Variants in CHCHD2 observed in about 807,000 individuals in gnomAD.
CHCHD2 encodes the protein coiled-coil-helix-coiled-coil-helix domain containing 2.
In CHCHD2, 17 loss-of-function variants were observed where a neutral mutation model predicts 17.5. The ratio of observed to expected loss-of-function variants is 0.97; its 90% CI spans 0.67 to 1.46. The LOEUF (loss-of-function observed/expected upper bound fraction) is 1.46, where lower values mean the gene tolerates loss of function less well. Among genes scored for constraint, CHCHD2 ranks in the 40% most tolerant of loss-of-function variants. The pLI, the probability that CHCHD2 is intolerant of heterozygous loss-of-function variation, is 0.00. For synonymous variants in CHCHD2, 63 were observed against 74.3 expected, an observed-to-expected ratio of 0.85 and a Z score of 0.78; for missense variants, 175 against 199.9, an observed-to-expected ratio of 0.88 and a Z score of 0.75.
chr7:56,101,877 A>AT lies in CHCHD2; in HGVS notation c.446-17dup, dbSNP rs1562887621. On this transcript the variant is annotated splice_polypyrimidine_tract_variant and intron_variant, in intron 3 of 3. Transcript: ENST00000395422. The stretch of plus-strand genomic sequence containing the variant: ...TAGGCCAATCCTGCAAACAGAAAAG[A>AT]TTAAGTTAGAAGAATGCTAGCTTCG... 1.2e-6 allele frequency: 2 copies of AT among 1,612,730 alleles called. No individual in the cohort carries two copies. Among genetic ancestry groups the AT allele is most frequent in the South Asian group, 2.2e-5 (2 of 90,884 alleles).
At chr7:56,102,778 A>T in intron 3 of CHCHD2, 89 bp downstream of exon 3, 4 of 1,391,986 alleles carry the variant, frequency 2.9e-6, no homozygotes, top group Non-Finnish European at 4.0e-6. Flanking sequence ...AGTCTTCTCT[A>T]ATTTATTAAA....
intron 1 of CHCHD2, among the ~76,000 whole-genome samples, chr7:56,105,276 A>G (rs1785362151): frequency 6.6e-6 from 1 of 152,194 alleles, no homozygotes; most frequent in East Asian, 1.9e-4. Flanking sequence ...TCTTTGCAAC[A>G]ATTTCCATGT....
chr7:56,101,683 T>C lies in CHCHD2; in HGVS notation c.*168A>G. On this transcript the variant is annotated 3_prime_UTR_variant, in exon 4 of 4. Transcript: ENST00000395422. ...TTGCCCAGTCCCAGATTCTACAGAG[T>C]AGGGACACCCCCACTTCCATTTCAA... 1 of 630,598 alleles carries C rather than the reference T, an allele frequency of 1.6e-6. No individual in the cohort carries two copies. The highest frequency in any genetic ancestry group is 2.8e-5 in the East Asian group (1 of 35,658). The allele number at this position is 630,598 out of a possible 1,614,324, so 39.1% of individuals were successfully genotyped here.
chr7:56,104,006 TAAG>T (rs1785334748), intron 2 of CHCHD2, among the ~76,000 whole-genome samples: 1 of 152,232 alleles, frequency 6.6e-6, no homozygotes, highest in Non-Finnish European at 1.5e-5. Flanking sequence ...TGGACTGTTG[TAAG>T]TCTCCTCCTT....
rs2331183 is a variant in CHCHD2, at chr7:56,104,433, G to A, written c.93C>T (p.Val31=). The change falls in exon 2 of 4, where the codon GTC becomes GTT. Residue 31 remains valine, a synonymous_variant. Transcript: ENST00000395422. ...QMRAAPRPAP[V]AQPPAAAPPS... ...GGGGTGCCGCTGCTGGTGGCTGAGC[G>A]ACTGGTGCTGGCCTGGGTGCAGCTC... 21 of 1,609,626 alleles carry A rather than the reference G, an allele frequency of 1.3e-5. No homozygotes were observed. Among genetic ancestry groups the A allele is most frequent in the South Asian group, 2.2e-5 (2 of 90,746 alleles).
At position 56,104,378 on chromosome 7, in the gene CHCHD2, G is replaced by A. The variant is rs1269755980; in HGVS notation, c.148C>T (p.Pro50Ser). 6.2e-7 allele frequency: 1 copy of A among 1,612,426 alleles called. No homozygotes were observed. The highest frequency in any genetic ancestry group is 1.7e-5 in the Admixed American group (1 of 59,960). The stretch of plus-strand genomic sequence containing the variant: ...TGGGCCATCAGACCTGGCTGCCGGG[G>A]CGCAGCAGCAGAAGAGCCAACTGCA... ...PSAVGSSAAA[P>S]RQPGLMAQMA... The change falls in exon 2 of 4, where the codon CCC (proline) becomes TCC (serine). Residue 50 changes from proline to serine, a missense_variant. By Grantham distance (74) the Pro-to-Ser change is moderately conservative. Coordinates refer to ENST00000395422, the MANE Select transcript of CHCHD2 (RefSeq NM_016139.4).
chr7:56,104,660 T>A (rs1785351556), intron 1 of CHCHD2, among the ~76,000 whole-genome samples, 185 bp from the exon 2 acceptor site: 1 of 151,868 alleles, frequency 6.6e-6, no homozygotes, highest in African/African-American at 2.4e-5. Flanking sequence ...CAGGCTGGAG[T>A]GCAATGGTGC....
intron 3 of CHCHD2, among the ~76,000 whole-genome samples, chr7:56,102,368 A>G (rs1055828751): frequency 7.8e-6 from 1 of 128,718 alleles, no homozygotes; most frequent in Non-Finnish European, 1.7e-5. Flanking sequence ...TTTTTCTTTT[A>G]AATTTGAGAC....
At chr7:56,101,967 T>G in intron 3 of CHCHD2, 106 bp from the exon 4 acceptor site, 1 of 1,045,470 alleles carries the variant, frequency 9.6e-7, no homozygotes, top group South Asian at 1.4e-5. Flanking sequence ...AGGCTATGGG[T>G]TTTTTGTTTT....
At chr7:56,104,973 C>T (rs929571065) in intron 1 of CHCHD2, among the ~76,000 whole-genome samples, 24 of 148,638 alleles carry the variant, frequency 1.6e-4, no homozygotes, top group African/African-American at 5.7e-4. Context: ...TGCAGTGTCA[C>T]GATCCAATCT....
Position 56,101,960 on chromosome 7 carries a change from CTATGGG to C in CHCHD2, c.446-105_446-100del. ...TGAAAGCAGCGACAAAAGGCCAAGG[CTATGGG>C]TTTTTTGTTTTTTGTTTTTTTTTGA... On this transcript the variant is annotated intron_variant, in intron 3 of 3. Transcript: ENST00000395422. The C allele has an allele frequency of 3.4e-6, 4 of 1,186,376 alleles. No homozygotes were observed. In the South Asian group the frequency reaches 5.3e-5, roughly 16 times the overall value. The allele number at this position is 1,186,376 out of a possible 1,614,324, so 73.5% of individuals were successfully genotyped here. A position where few individuals can be genotyped will look rare whatever the true frequency, so the allele number is the denominator to read the frequency against.
rs1396802610 is a variant in CHCHD2 at position 56,101,619 on chromosome 7, C to A, written c.*232G>T. On this transcript the variant is annotated 3_prime_UTR_variant, in exon 4 of 4. Transcript: ENST00000395422. ...CTAATTAACTCACAAAGAATAAAAT[C>A]ATAACATAACAGCTAGTTTAAGGAG... 4.2e-6 allele frequency: 2 copies of A among 476,676 alleles called. No homozygotes were observed. The highest frequency in any genetic ancestry group is 3.8e-6 in the Non-Finnish European group (1 of 262,384). 29.5% of individuals were successfully genotyped at this position (476,676 alleles called of 1,614,324 possible). A position where few individuals can be genotyped will look rare whatever the true frequency, so the allele number is the denominator to read the frequency against.
Position 56,102,994 on chromosome 7 carries a change from C to T in CHCHD2, c.318G>A (p.Gln106=). 1 of 1,614,180 alleles carries T rather than the reference C, an allele frequency of 6.2e-7. No homozygotes were observed. Among genetic ancestry groups the T allele is most frequent in the Non-Finnish European group, 8.5e-7 (1 of 1,180,036 alleles). ...GGCAAGGCTGCTGCTGCTGTGCTGGCTGGGTTCCCTGAGGCTCCTGCAAAG... is the reference window on the plus strand; with the variant it reads ...GGCAAGGCTGCTGCTGCTGTGCTGGTTGGGTTCCCTGAGGCTCCTGCAAAG... ...DITYQEPQGT[Q]PAQQQQPCLY... Residue 106 remains glutamine, a synonymous_variant, in exon 3 of 4, where the codon CAG becomes CAA. Transcript: ENST00000395422.
intron 1 of CHCHD2, among the ~76,000 whole-genome samples, 162 bp downstream of exon 1, chr7:56,106,202 C>CA (rs1420897207): frequency 2.0e-5 from 3 of 152,184 alleles, no homozygotes; most frequent in African/African-American, 7.2e-5. Flanking sequence ...TCCCCACACT[C>CA]CCCTAACATA....
At position 56,103,001 on chromosome 7, in the gene CHCHD2, C is replaced by T. The variant is rs778377000; in HGVS notation, c.311G>A (p.Gly104Glu). ...RPDITYQEPQGTQPAQQQQPC... is the reference protein window; with the variant it reads ...RPDITYQEPQETQPAQQQQPC... ...CTGCTGCTGCTGTGCTGGCTGGGTT[C>T]CCTGAGGCTCCTGCAAAGGCAAAAC... The change falls in exon 3 of 4, where the codon GGA becomes GAA. Residue 104 changes from glycine (G) to glutamate (E), a missense_variant. Transcript: ENST00000395422. The T allele has an allele frequency of 1.9e-5, 30 of 1,614,062 alleles. No homozygotes were observed. The highest frequency in any genetic ancestry group is 2.5e-5 in the Non-Finnish European group (30 of 1,180,052).
At position 56,106,449 on chromosome 7, in the gene CHCHD2, A is replaced by G; in HGVS notation, c.-36T>C. 1 of 1,607,248 alleles carries G rather than the reference A, an allele frequency of 6.2e-7. No individual in the cohort carries two copies. The highest frequency in any genetic ancestry group is 8.5e-7 in the Non-Finnish European group (1 of 1,174,514). Reference sequence around the variant, plus strand: ...CGACGGCTAGGCCTCCGGACGTGGGACAACCACCGAAGAGCTAAGCGACTT... The same window carrying G: ...CGACGGCTAGGCCTCCGGACGTGGGGCAACCACCGAAGAGCTAAGCGACTT... On this transcript the variant is annotated 5_prime_UTR_variant, in exon 1 of 4. Coordinates refer to ENST00000395422, the MANE Select transcript of CHCHD2 (RefSeq NM_016139.4).
At chr7:56,102,083 C>G (rs1785294923) in intron 3 of CHCHD2, among the ~76,000 whole-genome samples, 1 of 151,880 alleles carries the variant, frequency 6.6e-6, no homozygotes, top group Non-Finnish European at 1.5e-5. Flanking sequence ...TTCCAGAGTG[C>G]TGGGTTCCAG....
intron 2 of CHCHD2, 52 bp from the exon 3 acceptor site, chr7:56,103,063 C>T: frequency 6.2e-7 from 1 of 1,600,494 alleles, no homozygotes; most frequent in Non-Finnish European, 8.6e-7. Flanking sequence ...ATACTTATGC[C>T]TAGACAATGA....
At chr7:56,104,202 G>C in intron 2 of CHCHD2, 24 bp downstream of exon 2, 1 of 1,608,898 alleles carries the variant, frequency 6.2e-7, no homozygotes, top group Non-Finnish European at 8.5e-7. Context: ...ACCCATGGAA[G>C]GGAAATGCTG....
Sources: allele counts gnomAD v4.1 joint callset (sites outside exome capture counted in the v4.1 genomes callset), GRCh38; gene constraint gnomAD v4.1.1; transcripts MANE v1.5; gene names NCBI Gene and HGNC (gene_info 2026-07-23, HGNC 2026-07-21).